SLIT2: variants seen among roughly 807,000 people sequenced by gnomAD.
The protein encoded by SLIT2 is slit guidance ligand 2, also known as slit homolog 2 protein.
A neutral mutation model predicts 185.7 loss-of-function variants in SLIT2; 41 were observed. The observed-to-expected ratio is 0.22, with a 90% CI of 0.17 to 0.29. SLIT2 has a LOEUF of 0.29. SLIT2 is among the 10% of genes least tolerant of loss of function. SLIT2 has a pLI of 1.00. For missense variants in SLIT2, 1,571 were observed against 1,909.0 expected, an observed-to-expected ratio of 0.82 and a Z score of 3.30; for synonymous variants, 693 against 680.2, an observed-to-expected ratio of 1.02 and a Z score of -0.29.
At chr4:20,410,013 A>G (rs896060172) in intron 4 of SLIT2, among the ~76,000 whole-genome samples, 5 of 152,090 alleles carry the variant, frequency 3.3e-5, no homozygotes, top group African/African-American at 9.7e-5. Flanking sequence ...CCCATTGAGT[A>G]GGTTGTCTGT....
chr4:20,287,559 G>A (rs1042093069), intron 4 of SLIT2, among the ~76,000 whole-genome samples: 5 of 152,072 alleles, frequency 3.3e-5, no homozygotes, highest in Non-Finnish European at 7.4e-5. Context: ...GAACTTTTTT[G>A]TTGATGGAAA....
chr4:20,313,791 G>A (rs998432638), intron 4 of SLIT2, among the ~76,000 whole-genome samples: 10 of 152,006 alleles, frequency 6.6e-5, no homozygotes, highest in African/African-American at 2.2e-4. Context: ...CTCCTATGAC[G>A]ATCTTACGCG....
chr4:20,595,046 C>T (rs921779443), intron 30 of SLIT2, among the ~76,000 whole-genome samples: 5 of 152,142 alleles, frequency 3.3e-5, no homozygotes, highest in African/African-American at 9.7e-5. Context: ...CCCTTTACCA[C>T]CATGGTGAAC....
chr4:20,268,120 T>C (rs562593763), intron 3 of SLIT2, among the ~76,000 whole-genome samples: 2 of 152,116 alleles, frequency 1.3e-5, no homozygotes, highest in East Asian at 3.9e-4. Flanking sequence ...TAAATTGAGT[T>C]ACAGTTGCAA....
intron 1 of SLIT2, 84 bp from the exon 2 acceptor site, chr4:20,256,588 T>C (rs1560258983): frequency 2.9e-6 from 2 of 694,616 alleles, no homozygotes; most frequent in South Asian, 1.9e-5. Context: ...AATTAACTTT[T>C]AGTTCTGATT....
At chr4:20,423,622 AT>A (rs1298011852) in intron 4 of SLIT2, among the ~76,000 whole-genome samples, 6 of 152,112 alleles carry the variant, frequency 3.9e-5, no homozygotes, top group Admixed American at 3.3e-4. Flanking sequence ...GATTCTCACA[AT>A]TTCACATGGG....
intron 4 of SLIT2, among the ~76,000 whole-genome samples, chr4:20,359,281 A>G (rs1207399681): frequency 1.3e-5 from 2 of 152,088 alleles, no homozygotes; most frequent in African/African-American, 4.8e-5. Context: ...TGGTGAAAAA[A>G]CACAGATGGA....
chr4:20,475,792 T>A lies in SLIT2; in HGVS notation c.468-4924T>A, dbSNP rs1036544599. Among the ~76,000 whole-genome samples, 73 of 152,128 alleles carry A rather than the reference T, an allele frequency of 4.8e-4. 1 individual carries two copies. Among genetic ancestry groups the A allele is most frequent in the Admixed American group, 7.2e-4 (11 of 15,272 alleles). The stretch of plus-strand genomic sequence containing the variant: ...GGACTTAATGTCAATGTAGTTGTCC[T>A]TCCCTCAATTGATGTTAAAGCAGGT... On this transcript the variant is annotated intron_variant, in intron 5 of 36. Transcript: ENST00000504154.
intron 4 of SLIT2, among the ~76,000 whole-genome samples, chr4:20,287,195 C>T (rs1249327746): frequency 2.0e-5 from 3 of 152,148 alleles, no homozygotes; most frequent in African/African-American, 7.2e-5. Context: ...ATGGACATGC[C>T]TCTGATATTT....
intron 4 of SLIT2, among the ~76,000 whole-genome samples, chr4:20,346,386 A>G (rs956461861): frequency 9.9e-5 from 15 of 152,210 alleles, no homozygotes; most frequent in Non-Finnish European, 1.9e-4. Flanking sequence ...ACAATAAAAA[A>G]TGTCTCCAGA....
At chr4:20,332,456 C>A (rs950337154) in intron 4 of SLIT2, among the ~76,000 whole-genome samples, 1 of 152,050 alleles carries the variant, frequency 6.6e-6, no homozygotes. Flanking sequence ...CGCCTGTAAT[C>A]CTAGCACTTG....
chr4:20,544,273 T>C (rs546294109), intron 21 of SLIT2, among the ~76,000 whole-genome samples: 2 of 152,134 alleles, frequency 1.3e-5, no homozygotes, highest in African/African-American at 4.8e-5. Context: ...AATGAAGAAC[T>C]TACACTCAGA....
At chr4:20,457,929 G>C (rs554125359) in intron 4 of SLIT2, among the ~76,000 whole-genome samples, 18 of 152,068 alleles carry the variant, frequency 1.2e-4, no homozygotes, top group African/African-American at 4.3e-4. Context: ...AACAGTGCTT[G>C]GTATTATTTT....
chr4:20,570,601 G>T (rs545869998), intron 29 of SLIT2, among the ~76,000 whole-genome samples: 1 of 151,228 alleles, frequency 6.6e-6, no homozygotes, highest in South Asian at 2.1e-4. Flanking sequence ...CAGGGCTTAA[G>T]AACCCAGTTA....
At chr4:20,262,280 G>A (rs1054263256) in intron 3 of SLIT2, among the ~76,000 whole-genome samples, 4 of 151,714 alleles carry the variant, frequency 2.6e-5, no homozygotes, top group Non-Finnish European at 5.9e-5. Context: ...CCTAAGCATG[G>A]GACAGACAGT....
intron 33 of SLIT2, among the ~76,000 whole-genome samples, chr4:20,601,400 A>G (rs905850918): frequency 3.3e-5 from 5 of 152,216 alleles, no homozygotes; most frequent in Admixed American, 1.3e-4. Context: ...AATGCTAGGT[A>G]AACCATAAAC....
chr4:20,532,853 A>T (rs1311472402), intron 17 of SLIT2, among the ~76,000 whole-genome samples: 3 of 152,174 alleles, frequency 2.0e-5, no homozygotes, highest in East Asian at 3.9e-4. Flanking sequence ...CCATAAGATG[A>T]TTTCCCATGC....
intron 4 of SLIT2, among the ~76,000 whole-genome samples, chr4:20,308,301 AATGCC>A (rs1463658686): frequency 6.6e-6 from 1 of 152,192 alleles, no homozygotes; most frequent in Non-Finnish European, 1.5e-5. Flanking sequence ...ACGAGTGGAA[AATGCC>A]ATCACCTCAT....
chr4:20,328,636 TC>T (rs997522200), intron 4 of SLIT2, among the ~76,000 whole-genome samples: 11 of 152,076 alleles, frequency 7.2e-5, no homozygotes, highest in African/African-American at 2.7e-4. Flanking sequence ...ATGTGGGACT[TC>T]AAGAAAAATA....
Sources: gnomAD v4.1 joint callset for allele counts (sites outside exome capture counted in the v4.1 genomes callset) on GRCh38, gnomAD v4.1.1 for gene constraint, MANE v1.5 for transcripts, NCBI Gene and HGNC (gene_info 2026-07-23, HGNC 2026-07-21) for gene names.